CREB5: variants seen among roughly 807,000 people sequenced by gnomAD.
CREB5 encodes cyclic AMP-responsive element-binding protein 5.
A neutral mutation model predicts 57.1 loss-of-function variants in CREB5; 19 were observed. The ratio of observed to expected loss-of-function variants is 0.33; its 90% CI spans 0.23 to 0.49. The LOEUF (loss-of-function observed/expected upper bound fraction) is 0.49. CREB5 is among the 20% of genes least tolerant of loss of function. The pLI is 0.99. For missense variants in CREB5, 579 were observed against 671.6 expected (o/e 0.86, Z 1.52); for synonymous variants, 238 against 238.3 (o/e 1.00, Z 0.01).
At chr7:28,336,297 A>G (rs1483290454) in intron 1 of CREB5, among the ~76,000 whole-genome samples, 2 of 152,124 alleles carry the variant, frequency 1.3e-5, no homozygotes, top group Admixed American at 6.6e-5. Flanking sequence ...AATGTTTGGT[A>G]AAATTCAGCT....
intron 5 of CREB5, among the ~76,000 whole-genome samples, chr7:28,577,473 C>T (rs1421087527): frequency 1.3e-5 from 2 of 152,192 alleles, no homozygotes; most frequent in African/African-American, 4.8e-5. Flanking sequence ...GCAACCTCTT[C>T]TCTTTGTCAG....
At chr7:28,307,426 G>C (rs188112381) in intron 1 of CREB5, among the ~76,000 whole-genome samples, 1 of 152,214 alleles carries the variant, frequency 6.6e-6, no homozygotes, top group Non-Finnish European at 1.5e-5. Context: ...ACAAGGTGTT[G>C]TCACAAAAGG....
intron 7 of CREB5, among the ~76,000 whole-genome samples, chr7:28,755,023 T>A: frequency 6.6e-6 from 1 of 152,152 alleles, no homozygotes; most frequent in Non-Finnish European, 1.5e-5. Context: ...ATGGGTAAGA[T>A]TGACTCTTTA....
intron 4 of CREB5, among the ~76,000 whole-genome samples, chr7:28,512,555 G>T (rs1024052768): frequency 1.3e-5 from 2 of 151,128 alleles, no homozygotes; most frequent in Non-Finnish European, 2.9e-5. Context: ...AAAAAAAGAG[G>T]TGTGTGAATT....
intron 2 of CREB5, among the ~76,000 whole-genome samples, chr7:28,489,296 C>T (rs199697395): frequency 8.4e-4 from 81 of 96,592 alleles, no homozygotes; most frequent in South Asian, 1.1e-3. Context: ...GAGGACCCTT[C>T]TTTTTTTTTT....
At chr7:28,340,832 C>T (rs1003925476) in intron 1 of CREB5, among the ~76,000 whole-genome samples, 1 of 152,172 alleles carries the variant, frequency 6.6e-6, no homozygotes, top group Non-Finnish European at 1.5e-5. Flanking sequence ...GGGTGATTCC[C>T]CTCTGGCTAG....
chr7:28,698,339 A>C (rs1272030390), intron 5 of CREB5, among the ~76,000 whole-genome samples: 1 of 133,144 alleles, frequency 7.5e-6, no homozygotes, highest in African/African-American at 2.9e-5. Flanking sequence ...TCATCCCCCA[A>C]ACCCCACTCC....
In CREB5 at chr7:28,598,711, G is replaced by T. The variant is rs935774886; in HGVS notation, c.464+28174G>T. Reference sequence around the variant, plus strand: ...CTATCCATCATTATTTTATCCCTCTGTTGAGTTGGCCTGGCTCAATTTACA... The same window carrying T: ...CTATCCATCATTATTTTATCCCTCTTTTGAGTTGGCCTGGCTCAATTTACA... On this transcript the variant is annotated intron_variant, in intron 5 of 10. Transcript: ENST00000357727. Among the ~76,000 whole-genome samples the T allele has an allele frequency of 5.9e-5, 9 of 152,212 alleles. No individual in the cohort carries two copies. The East Asian group carries it at 1.5e-3, about 26-fold the overall frequency.
At chr7:28,668,683 A>G (rs975606278) in intron 5 of CREB5, among the ~76,000 whole-genome samples, 4 of 152,222 alleles carry the variant, frequency 2.6e-5, no homozygotes, top group African/African-American at 4.8e-5. Flanking sequence ...GTTTTATTAC[A>G]TTGAAAGCAA....
At chr7:28,306,079 G>C (rs546092273) in intron 1 of CREB5, among the ~76,000 whole-genome samples, 32 of 152,158 alleles carry the variant, frequency 2.1e-4, no homozygotes, top group African/African-American at 7.7e-4. Context: ...ATTCCTGGAT[G>C]GTATCTTTGT....
intron 3 of CREB5, among the ~76,000 whole-genome samples, chr7:28,504,915 A>T (rs560002600): frequency 1.3e-5 from 2 of 152,296 alleles, no homozygotes; most frequent in East Asian, 3.9e-4. Context: ...GGTTTGCTGA[A>T]AAAAAGGAGT....
chr7:28,598,197 C>G (rs893434907), intron 5 of CREB5, among the ~76,000 whole-genome samples: 4 of 152,150 alleles, frequency 2.6e-5, no homozygotes, highest in African/African-American at 9.7e-5. Context: ...GAATAAGTCT[C>G]ACGAGATCTG....
intron 1 of CREB5, among the ~76,000 whole-genome samples, chr7:28,374,247 G>A (rs571315393): frequency 1.4e-4 from 21 of 152,224 alleles, no homozygotes; most frequent in African/African-American, 4.6e-4. Context: ...CACAGAAATG[G>A]GAACCCTCCT....
intron 7 of CREB5, among the ~76,000 whole-genome samples, chr7:28,801,820 C>T (rs1808380919): frequency 6.6e-6 from 1 of 151,996 alleles, no homozygotes; most frequent in Admixed American, 6.6e-5. Flanking sequence ...GGTGTGGTGG[C>T]TCACGCCTGT....
At chr7:28,485,908 T>C (rs530531947) in intron 1 of CREB5, among the ~76,000 whole-genome samples, 1 of 152,262 alleles carries the variant, frequency 6.6e-6, no homozygotes, top group East Asian at 1.9e-4. Flanking sequence ...CAATCAGTGA[T>C]GGCAAAATCA....
At chr7:28,638,264 G>GACACACACACACACACACACACAC in intron 5 of CREB5, among the ~76,000 whole-genome samples, 1 of 145,712 alleles carries the variant, frequency 6.9e-6, no homozygotes, top group Non-Finnish European at 1.5e-5. Context: ...AAAGAAACTA[G>GACACACACACACACACACACACAC]ACACACACAC....
intron 5 of CREB5, among the ~76,000 whole-genome samples, chr7:28,639,044 T>A (rs565252342): frequency 6.6e-6 from 1 of 152,368 alleles, no homozygotes; most frequent in South Asian, 2.1e-4. Flanking sequence ...GCTGGGAACA[T>A]GTAGTGTGCA....
intron 5 of CREB5, among the ~76,000 whole-genome samples, chr7:28,598,513 A>G (rs1796778349): frequency 6.6e-6 from 1 of 152,128 alleles, no homozygotes; most frequent in Non-Finnish European, 1.5e-5. Flanking sequence ...TATTTCTATG[A>G]TCGTTAGACT....
intron 1 of CREB5, among the ~76,000 whole-genome samples, chr7:28,415,741 T>G (rs1455669263): frequency 1.3e-5 from 2 of 152,214 alleles, no homozygotes; most frequent in African/African-American, 4.8e-5. Flanking sequence ...GCAGTGACTT[T>G]CTCTACTACC....
Sources: gnomAD v4.1 joint callset for allele counts (sites outside exome capture counted in the v4.1 genomes callset) on GRCh38, gnomAD v4.1.1 for gene constraint, MANE v1.5 for transcripts, NCBI Gene and HGNC (gene_info 2026-07-23, HGNC 2026-07-21) for gene names.